The following LINGO2 variants were observed in gnomAD, a reference collection of about 807,000 sequenced individuals.
LINGO2 encodes the protein leucine rich repeat and Ig domain containing 2, also known as leucine-rich repeat and immunoglobulin-like domain-containing nogo receptor-interacting protein 2.
In LINGO2, 14 loss-of-function variants were observed where a neutral mutation model predicts 30.6. The ratio of observed to expected loss-of-function variants is 0.46; its 90% CI spans 0.30 to 0.72. The LOEUF (loss-of-function observed/expected upper bound fraction) is 0.72. Among genes scored for constraint, LINGO2 ranks in the 30% least tolerant of loss-of-function variants. The pLI is 0.07. For missense variants in LINGO2, 729 were observed against 751.7 expected, an observed-to-expected ratio of 0.97 and a Z score of 0.35; for synonymous variants, 317 against 288.5, an observed-to-expected ratio of 1.10 and a Z score of -1.00.
At chr9:29,005,598 T>C in the LINGO2 span, among the ~76,000 whole-genome samples, 1 of 152,086 alleles carries the variant, frequency 6.6e-6, no homozygotes, top group Admixed American at 6.6e-5. Flanking sequence ...GCTATGTTAA[T>C]ATAGTTGCCC....
At chr9:28,120,837 C>T (rs756064050) in intron 4 of LINGO2, among the ~76,000 whole-genome samples, 5 of 152,046 alleles carry the variant, frequency 3.3e-5, no homozygotes, top group African/African-American at 9.7e-5. Flanking sequence ...GGAAGCTTTA[C>T]GTACCTTTTG....
At chr9:28,625,442 T>A (rs1007914349) in intron 1 of LINGO2, among the ~76,000 whole-genome samples, 3 of 152,134 alleles carry the variant, frequency 2.0e-5, no homozygotes, top group African/African-American at 7.2e-5. Context: ...TTAAACCAGT[T>A]ACTATGATTG....
intron 4 of LINGO2, among the ~76,000 whole-genome samples, chr9:28,225,064 T>A (rs1167882930): frequency 5.3e-5 from 8 of 152,120 alleles, no homozygotes; most frequent in Admixed American, 5.2e-4. Context: ...GATATCCATA[T>A]GCACAGGAAT....
At chr9:29,146,808 C>A in the LINGO2 span, among the ~76,000 whole-genome samples, 3 of 152,102 alleles carry the variant, frequency 2.0e-5, no homozygotes, top group African/African-American at 7.2e-5. Context: ...AACTTGGACT[C>A]TCCAGAAATA....
At chr9:28,549,823 GT>G (rs565764955) in intron 1 of LINGO2, among the ~76,000 whole-genome samples, 38 of 151,088 alleles carry the variant, frequency 2.5e-4, no homozygotes, top group African/African-American at 8.7e-4. Context: ...CATCCATTTT[GT>G]TTTTTATTTT....
chr9:28,608,489 T>A (rs1326556686), intron 1 of LINGO2, among the ~76,000 whole-genome samples: 1 of 152,030 alleles, frequency 6.6e-6, no homozygotes, highest in Non-Finnish European at 1.5e-5. Flanking sequence ...CTTCTTTGCA[T>A]GCATTCATAC....
the LINGO2 span, among the ~76,000 whole-genome samples, chr9:28,848,053 A>AGTGTGTG: frequency 2.1e-4 from 3 of 14,258 alleles, 1 homozygote; most frequent in African/African-American, 5.6e-4. Context: ...TAGTATATAT[A>AGTGTGTG]TATATATATG....
At chr9:28,959,339 G>A in the LINGO2 span, among the ~76,000 whole-genome samples, 1 of 151,912 alleles carries the variant, frequency 6.6e-6, no homozygotes, top group Non-Finnish European at 1.5e-5. Flanking sequence ...ATAATAATTG[G>A]GAAATAAATT....
the LINGO2 span, among the ~76,000 whole-genome samples, chr9:29,022,609 C>T: frequency 6.6e-6 from 1 of 152,156 alleles, no homozygotes; most frequent in Admixed American, 6.6e-5. Context: ...TTTAAAATGT[C>T]GACTTAAATT....
intron 4 of LINGO2, among the ~76,000 whole-genome samples, chr9:28,041,799 C>T (rs910524689): frequency 6.6e-6 from 1 of 152,158 alleles, no homozygotes; most frequent in Admixed American, 6.5e-5. Context: ...TACCCTACAA[C>T]ATACAAATTT....
the LINGO2 span, among the ~76,000 whole-genome samples, chr9:29,146,840 C>G: frequency 6.6e-6 from 1 of 151,732 alleles, no homozygotes; most frequent in Admixed American, 6.6e-5. Flanking sequence ...CAAATATTGG[C>G]ATTTTTAAAT....
At chr9:28,877,089 G>C in the LINGO2 span, among the ~76,000 whole-genome samples, 3 of 147,196 alleles carry the variant, frequency 2.0e-5, no homozygotes, top group African/African-American at 2.7e-5. Flanking sequence ...CCCACTTTTT[G>C]ATGGGGTTGT....
chr9:28,579,917 A>C (rs1824175315), intron 1 of LINGO2, among the ~76,000 whole-genome samples: 1 of 152,132 alleles, frequency 6.6e-6, no homozygotes, highest in Non-Finnish European at 1.5e-5. Context: ...GCACGAGAGC[A>C]CATTACATAT....
chr9:28,520,698 T>C (rs1319863614), intron 1 of LINGO2, among the ~76,000 whole-genome samples: 1 of 152,196 alleles, frequency 6.6e-6, no homozygotes, highest in East Asian at 1.9e-4. Flanking sequence ...TAATAAATTA[T>C]TGCATTCCAC....
At chr9:29,025,764 C>G in the LINGO2 span, among the ~76,000 whole-genome samples, 1 of 152,116 alleles carries the variant, frequency 6.6e-6, no homozygotes, top group Non-Finnish European at 1.5e-5. Context: ...TTCCTCGTGT[C>G]TAGCTGAAAT....
intron 1 of LINGO2, among the ~76,000 whole-genome samples, chr9:28,630,377 C>G (rs1358777382): frequency 6.6e-6 from 1 of 151,848 alleles, no homozygotes; most frequent in African/African-American, 2.4e-5. Flanking sequence ...CTAATTAGTC[C>G]TAACTAATTA....
At chr9:29,084,192 A>T in the LINGO2 span, among the ~76,000 whole-genome samples, 1 of 43,550 alleles carries the variant, frequency 2.3e-5, no homozygotes, top group Non-Finnish European at 4.1e-5. Flanking sequence ...ATTATTCTAC[A>T]AAAAAATGTG....
chr9:28,831,705 T>C, the LINGO2 span, among the ~76,000 whole-genome samples: 1 of 152,192 alleles, frequency 6.6e-6, no homozygotes, highest in African/African-American at 2.4e-5. Context: ...AGAAAATGGA[T>C]GACTCAATAC....
At chr9:29,048,036 G>C in the LINGO2 span, among the ~76,000 whole-genome samples, 1 of 151,992 alleles carries the variant, frequency 6.6e-6, no homozygotes, top group Non-Finnish European at 1.5e-5. Flanking sequence ...ACTTGAACCT[G>C]GAAGGCAGAG....
Sources: gnomAD v4.1 joint callset for allele counts (sites outside exome capture counted in the v4.1 genomes callset) on GRCh38, gnomAD v4.1.1 for gene constraint, MANE v1.5 for transcripts, NCBI Gene and HGNC (gene_info 2026-07-23, HGNC 2026-07-21) for gene names.